SRD5A2: variants seen among roughly 807,000 people sequenced by gnomAD.
The protein encoded by SRD5A2 is steroid 5 alpha-reductase 2.
In SRD5A2, 30 loss-of-function variants were observed where a neutral mutation model predicts 27.4. The observed-to-expected ratio is 1.10, with a 90% CI of 0.82 to 1.49. The LOEUF is 1.49. Among genes scored for constraint, SRD5A2 ranks in the 40% most tolerant of loss-of-function variants. SRD5A2 has a pLI of 0.00. For missense variants in SRD5A2, 348 were observed against 323.4 expected (o/e 1.08, Z -0.58); for synonymous variants, 141 against 133.6 (o/e 1.06, Z -0.38).
chr2:31,546,795 AG>A (rs1167932443), intron 1 of SRD5A2, among the ~76,000 whole-genome samples: 1 of 152,142 alleles, frequency 6.6e-6, no homozygotes. Flanking sequence ...TTTATTTTAA[AG>A]TTAAAAAAAA....
chr2:31,585,882 C>A (rs561708552), upstream of SRD5A2, among the ~76,000 whole-genome samples: 3 of 152,186 alleles, frequency 2.0e-5, no homozygotes, highest in African/African-American at 4.8e-5. Context: ...GACTTAATAG[C>A]CTTTCTGCCT....
At position 31,580,759 on chromosome 2, in the gene SRD5A2, G is replaced by T. The variant is rs1260097640; in HGVS notation, c.142C>A (p.Pro48Thr). 3.1e-6 allele frequency: 5 copies of T among 1,610,380 alleles called. No individual in the cohort carries two copies. The highest frequency in any genetic ancestry group is 3.4e-6 in the Non-Finnish European group (4 of 1,179,546). Residue 48 changes from proline to threonine, a missense_variant, in exon 1 of 5, where the codon CCA becomes ACA. Pro to Thr is a conservative substitution (Grantham distance 38, BLOSUM62 -1). Transcript: ENST00000622030. ...TGCAGGAACCAGGCGGCGCGGGCTG[G>T]CAGGCGGGTAGCCGCCGGCTTCAGG... ...ESLKPAATRL[P>T]ARAAWFLQEL...
upstream of SRD5A2, among the ~76,000 whole-genome samples, chr2:31,581,683 C>G (rs536679574): frequency 1.2e-4 from 19 of 152,266 alleles, no homozygotes; most frequent in South Asian, 3.9e-3. Context: ...AGTCGAGATT[C>G]TGCGCGTCCT....
the SRD5A2 span, among the ~76,000 whole-genome samples, chr2:31,603,978 C>T: frequency 1.2e-3 from 187 of 151,862 alleles, no homozygotes; most frequent in African/African-American, 4.3e-3. Context: ...ATGATCTGTG[C>T]AGCAAACCAC....
At chr2:31,562,513 CAA>C (rs1666645502) in intron 1 of SRD5A2, among the ~76,000 whole-genome samples, 2 of 152,180 alleles carry the variant, frequency 1.3e-5, no homozygotes, top group Middle Eastern at 3.4e-3. Context: ...TTAACAATCC[CAA>C]GTCTTCTGAT....
At chr2:31,549,452 A>C (rs1572641400) in intron 1 of SRD5A2, among the ~76,000 whole-genome samples, 1 of 152,220 alleles carries the variant, frequency 6.6e-6, no homozygotes, top group East Asian at 1.9e-4. Context: ...GTCATGAGCT[A>C]AATAGAAGTG....
chr2:31,550,660 T>C (rs935160076), intron 1 of SRD5A2, among the ~76,000 whole-genome samples: 15 of 151,920 alleles, frequency 9.9e-5, no homozygotes, highest in Admixed American at 2.0e-4. Flanking sequence ...ATATCAATCA[T>C]TTAAAAATTT....
the SRD5A2 span, among the ~76,000 whole-genome samples, chr2:31,632,122 T>C: frequency 6.6e-6 from 1 of 151,574 alleles, no homozygotes. Flanking sequence ...AAAAAAAAAC[T>C]TCAAAAGTCC....
intron 1 of SRD5A2, among the ~76,000 whole-genome samples, chr2:31,577,792 T>C (rs78373937): frequency 0.033 from 5,030 of 152,224 alleles, 256 homozygotes; most frequent in African/African-American, 0.11. Context: ...GAAACAGATA[T>C]GTATGATTAT....
chr2:31,613,167 G>A, the SRD5A2 span, among the ~76,000 whole-genome samples: 1 of 152,006 alleles, frequency 6.6e-6, no homozygotes, highest in Non-Finnish European at 1.5e-5. Context: ...ATATACAAAC[G>A]GGATTGTATC....
At chr2:31,647,556 T>G in the SRD5A2 span, among the ~76,000 whole-genome samples, 1 of 152,200 alleles carries the variant, frequency 6.6e-6, no homozygotes, top group Non-Finnish European at 1.5e-5. Flanking sequence ...ATTTTATTCC[T>G]TTTTGGAAAG....
intron 1 of SRD5A2, 98 bp downstream of exon 1, chr2:31,580,522 C>G: frequency 3.6e-6 from 5 of 1,380,786 alleles, no homozygotes; most frequent in Non-Finnish European, 3.8e-6. Flanking sequence ...CCCACGCTGC[C>G]TCCTTGGCGT....
the SRD5A2 span, among the ~76,000 whole-genome samples, chr2:31,611,867 A>C: frequency 6.6e-6 from 1 of 152,202 alleles, no homozygotes; most frequent in African/African-American, 2.4e-5. Context: ...GAATGTTCAT[A>C]ACATTTTTAT....
chr2:31,613,515 C>A, the SRD5A2 span, among the ~76,000 whole-genome samples: 5 of 152,022 alleles, frequency 3.3e-5, no homozygotes, highest in Non-Finnish European at 5.9e-5. Flanking sequence ...CAAATGATAA[C>A]AAATGTTGAA....
At chr2:31,640,507 C>T in the SRD5A2 span, among the ~76,000 whole-genome samples, 11 of 152,244 alleles carry the variant, frequency 7.2e-5, no homozygotes, top group Non-Finnish European at 1.5e-4. Context: ...CTTAGTAAAC[C>T]TTTACCACTA....
chr2:31,549,246 G>A (rs978269215), intron 1 of SRD5A2, among the ~76,000 whole-genome samples: 2 of 151,694 alleles, frequency 1.3e-5, no homozygotes, highest in African/African-American at 4.8e-5. Flanking sequence ...CCAAGTAGCT[G>A]GGACTATAGG....
At chr2:31,640,995 G>A in the SRD5A2 span, among the ~76,000 whole-genome samples, 2 of 152,150 alleles carry the variant, frequency 1.3e-5, no homozygotes, top group Non-Finnish European at 2.9e-5. Flanking sequence ...GCAGAATGTG[G>A]GGAAGGGTAA....
chr2:31,532,550 T>C (rs533062227), intron 2 of SRD5A2, among the ~76,000 whole-genome samples: 3 of 152,244 alleles, frequency 2.0e-5, no homozygotes, highest in African/African-American at 7.2e-5. Context: ...TCAGGGATGC[T>C]AGATCCTGCA....
At chr2:31,599,288 A>G in the SRD5A2 span, among the ~76,000 whole-genome samples, 1 of 152,014 alleles carries the variant, frequency 6.6e-6, no homozygotes, top group Non-Finnish European at 1.5e-5. Context: ...GTCAGACTTA[A>G]TCTACACTAT....
Sources: gnomAD v4.1 joint callset for allele counts (sites outside exome capture counted in the v4.1 genomes callset) on GRCh38, gnomAD v4.1.1 for gene constraint, MANE v1.5 for transcripts, NCBI Gene and HGNC (gene_info 2026-07-23, HGNC 2026-07-21) for gene names.